Variants in ZNF423 observed in about 807,000 individuals in gnomAD.
ZNF423 encodes Ebf-associated zinc finger protein.
Under a neutral mutation model 95.8 loss-of-function variants are expected in ZNF423, and 12 were observed. The ratio of observed to expected loss-of-function variants is 0.13; its 90% CI spans 0.08 to 0.20. The LOEUF (loss-of-function observed/expected upper bound fraction) is 0.20. Among genes scored for constraint, ZNF423 ranks in the 10% least tolerant of loss-of-function variants. The probability of loss-of-function intolerance (pLI) is 1.00; values close to 1 mark genes in which losing one functional copy is unlikely to be tolerated. For synonymous variants in ZNF423, 749 were observed against 711.9 expected, an observed-to-expected ratio of 1.05 and a Z score of -0.83; for missense variants, 1,316 against 1,737.1, an observed-to-expected ratio of 0.76 and a Z score of 4.31.
At chr16:49,840,276 C>T (rs2035169413) in intron 1 of ZNF423, among the ~76,000 whole-genome samples, 1 of 152,118 alleles carries the variant, frequency 6.6e-6, no homozygotes, top group Non-Finnish European at 1.5e-5. Flanking sequence ...AAAATTTTAA[C>T]TCTGTTTAAT....
chr16:49,716,910 G>A (rs79844635), intron 3 of ZNF423, among the ~76,000 whole-genome samples: 1 of 152,302 alleles, frequency 6.6e-6, no homozygotes, highest in East Asian at 1.9e-4. Context: ...TTTGTTTGGG[G>A]ATGTTCTTTA....
At chr16:49,567,238 A>C (rs1898305808) in intron 5 of ZNF423, among the ~76,000 whole-genome samples, 1 of 152,180 alleles carries the variant, frequency 6.6e-6, no homozygotes, top group Admixed American at 6.5e-5. Flanking sequence ...AGCTGTGATG[A>C]GCTAGCTCAC....
At chr16:49,578,875 G>A (rs1334539022) in intron 5 of ZNF423, among the ~76,000 whole-genome samples, 1 of 152,214 alleles carries the variant, frequency 6.6e-6, no homozygotes, top group African/African-American at 2.4e-5. Context: ...GTGTACTCCT[G>A]GCTTGAACAA....
chr16:49,538,241 G>A (rs982094182), intron 5 of ZNF423, among the ~76,000 whole-genome samples: 1 of 152,230 alleles, frequency 6.6e-6, no homozygotes, highest in African/African-American at 2.4e-5. Context: ...CCAGCGAGGT[G>A]CAGCGAGCAG....
intron 2 of ZNF423, among the ~76,000 whole-genome samples, chr16:49,742,706 A>G (rs1299082626): frequency 6.6e-6 from 1 of 152,164 alleles, no homozygotes. Flanking sequence ...ATTTGTGGCC[A>G]GTGCTAGTGC....
intron 1 of ZNF423, among the ~76,000 whole-genome samples, chr16:49,795,538 A>G (rs1489144659): frequency 6.6e-6 from 1 of 152,194 alleles, no homozygotes; most frequent in African/African-American, 2.4e-5. Flanking sequence ...CTCATCAGAG[A>G]TGGGATCCTT....
chr16:49,822,086 C>CA (rs2144026812), intron 1 of ZNF423, among the ~76,000 whole-genome samples: 1 of 152,238 alleles, frequency 6.6e-6, no homozygotes, highest in East Asian at 1.9e-4. Context: ...ATTCCAACAG[C>CA]ACGTGGGCAG....
At chr16:49,706,737 G>T (rs1041447076) in intron 3 of ZNF423, among the ~76,000 whole-genome samples, 2 of 152,202 alleles carry the variant, frequency 1.3e-5, no homozygotes, top group African/African-American at 4.8e-5. Context: ...AACATCACCC[G>T]AAGGTCTTCT....
chr16:49,815,902 ATATATATATATATT>A (rs2034841767), intron 1 of ZNF423, among the ~76,000 whole-genome samples: 12 of 46,688 alleles, frequency 2.6e-4, no homozygotes, highest in African/African-American at 1.0e-3. Context: ...ATATATATAT[ATATATATATATATT>A]TTTTTTTTTT....
intron 3 of ZNF423, among the ~76,000 whole-genome samples, chr16:49,695,519 C>T (rs1221078511): frequency 6.6e-6 from 1 of 152,248 alleles, no homozygotes; most frequent in East Asian, 1.9e-4. Flanking sequence ...TCTCGAACTC[C>T]CAACCTCAGG....
intron 7 of ZNF423, among the ~76,000 whole-genome samples, chr16:49,499,144 G>A (rs945703016): frequency 6.6e-6 from 1 of 152,208 alleles, no homozygotes; most frequent in Admixed American, 6.5e-5. Context: ...GCCCGAGTGG[G>A]TGTGACACCC....
intron 2 of ZNF423, among the ~76,000 whole-genome samples, chr16:49,771,200 T>C (rs1363412672): frequency 2.1e-5 from 3 of 140,858 alleles, no homozygotes; most frequent in Non-Finnish European, 3.1e-5. Context: ...TTCTTTTTTT[T>C]TTTTTTTTTT....
At chr16:49,527,587 G>A (rs8063842) in intron 5 of ZNF423, among the ~76,000 whole-genome samples, 19,900 of 152,126 alleles carry the variant, frequency 0.13, 1,576 homozygotes, top group African/African-American at 0.21. Flanking sequence ...AGGACACCCC[G>A]TGGACATTAA....
At chr16:49,497,707 A>C (rs1471321657) in intron 7 of ZNF423, among the ~76,000 whole-genome samples, 1 of 152,212 alleles carries the variant, frequency 6.6e-6, no homozygotes, top group Non-Finnish European at 1.5e-5. Flanking sequence ...CTGGCTTTAC[A>C]ACTCACTTTC....
intron 1 of ZNF423, among the ~76,000 whole-genome samples, chr16:49,853,506 CAG>C (rs1491172161): frequency 6.6e-6 from 1 of 152,158 alleles, no homozygotes; most frequent in Non-Finnish European, 1.5e-5. Flanking sequence ...TGGGAAGAAT[CAG>C]GGGGTCTCTG....
chr16:49,503,771 T>A (rs891875353), intron 7 of ZNF423, among the ~76,000 whole-genome samples: 1 of 152,134 alleles, frequency 6.6e-6, no homozygotes, highest in Non-Finnish European at 1.5e-5. Flanking sequence ...TGTACCCCAT[T>A]AGCTCAGAGC....
chr16:49,705,228 A>C (rs1014298875), intron 3 of ZNF423, among the ~76,000 whole-genome samples: 7 of 152,130 alleles, frequency 4.6e-5, no homozygotes, highest in Non-Finnish European at 1.0e-4. Flanking sequence ...GCCCTTCACA[A>C]AGCCTGCCAT....
intron 4 of ZNF423, among the ~76,000 whole-genome samples, chr16:49,634,122 G>A (rs1368804080): frequency 6.6e-6 from 1 of 151,140 alleles, no homozygotes; most frequent in African/African-American, 2.4e-5. Flanking sequence ...TGGCCAGGAT[G>A]GTCTCAATCT....
chr16:49,824,549 G>T (rs558038838), intron 1 of ZNF423, among the ~76,000 whole-genome samples: 4 of 152,262 alleles, frequency 2.6e-5, no homozygotes, highest in African/African-American at 9.6e-5. Context: ...AGTGGCAGGA[G>T]AGTGGCACTC....
Sources: allele counts gnomAD v4.1 joint callset (sites outside exome capture counted in the v4.1 genomes callset), GRCh38; gene constraint gnomAD v4.1.1; transcripts MANE v1.5; gene names NCBI Gene and HGNC (gene_info 2026-07-23, HGNC 2026-07-21).